ENDOD1: variants seen among roughly 807,000 people sequenced by gnomAD.
ENDOD1 encodes endonuclease domain-containing 1 protein.
A neutral mutation model predicts 6.5 loss-of-function variants in ENDOD1; 9 were observed. The ratio of observed to expected loss-of-function variants is 1.39; its 90% CI spans 0.84 to 2.43. ENDOD1 has a LOEUF of 2.43. Ranked by LOEUF, ENDOD1 falls within the 30% of genes most tolerant of loss-of-function variation. The pLI, the probability that ENDOD1 is intolerant of heterozygous loss-of-function variation, is 0.00. For missense variants in ENDOD1, 648 were observed against 635.5 expected (o/e 1.02, Z -0.21); for synonymous variants, 255 against 255.2 (o/e 1.00, Z 0.01).
chr11:95,097,023 A>ATGC (rs1212116895), intron 1 of ENDOD1, among the ~76,000 whole-genome samples: 1 of 152,008 alleles, frequency 6.6e-6, no homozygotes, highest in African/African-American at 2.4e-5. Context: ...GAGTGCTGGC[A>ATGC]TGCACCTGTA....
At chr11:95,110,579 A>ATGTGTGGTGTGTGTGTGTG (rs1555111812) in intron 1 of ENDOD1, among the ~76,000 whole-genome samples, 95 of 135,250 alleles carry the variant, frequency 7.0e-4, no homozygotes, top group African/African-American at 2.4e-3. Context: ...AAGTCCGTGT[A>ATGTGTGGTGTGTGTGTGTG]TGTATGTGTG....
intron 1 of ENDOD1, among the ~76,000 whole-genome samples, chr11:95,108,014 C>G (rs943563962): frequency 6.6e-6 from 1 of 152,204 alleles, no homozygotes; most frequent in African/African-American, 2.4e-5. Context: ...TGAAACTCCT[C>G]GCTGTGTGTG....
At chr11:95,120,594 G>A (rs1859253807) in intron 1 of ENDOD1, among the ~76,000 whole-genome samples, 1 of 151,850 alleles carries the variant, frequency 6.6e-6, no homozygotes, top group Admixed American at 6.6e-5. Flanking sequence ...AGAAGGAAGA[G>A]GTTTCTTTTG....
At chr11:95,105,778 A>G (rs1859083633) in intron 1 of ENDOD1, among the ~76,000 whole-genome samples, 1 of 152,074 alleles carries the variant, frequency 6.6e-6, no homozygotes, top group Non-Finnish European at 1.5e-5. Flanking sequence ...CATTATTTTT[A>G]TTGTTGTATT....
intron 1 of ENDOD1, among the ~76,000 whole-genome samples, chr11:95,118,678 T>G (rs1555112705): frequency 1.3e-5 from 2 of 152,252 alleles, no homozygotes; most frequent in African/African-American, 4.8e-5. Context: ...AACCTTCTTG[T>G]ACCTGGATAT....
chr11:95,106,356 G>A lies in ENDOD1; in HGVS notation c.300+16129G>A, dbSNP rs376606958. Among the ~76,000 whole-genome samples, 9 of 152,270 alleles carry A rather than the reference G, an allele frequency of 5.9e-5. No homozygotes were observed. The East Asian group carries it at 1.4e-3, about 23-fold the overall frequency. On this transcript the variant is annotated intron_variant, in intron 1 of 1. Coordinates refer to ENST00000278505, the MANE Select transcript of ENDOD1 (RefSeq NM_015036.3). Reference sequence around the variant, plus strand: ...GGGCAGTTGTAGAGAGAAGTGGGGCGCATTTACATTACAGCCATGTAACTG... The same window carrying A: ...GGGCAGTTGTAGAGAGAAGTGGGGCACATTTACATTACAGCCATGTAACTG...
rs1219647706 is a variant in ENDOD1 at position 95,129,247 on chromosome 11, G to T, written c.1171G>T (p.Gly391Trp). 2 of 1,614,124 alleles carry T rather than the reference G, an allele frequency of 1.2e-6. No homozygotes were observed. Among genetic ancestry groups the T allele is most frequent in the South Asian group, 2.2e-5 (2 of 91,088 alleles). Residue 391 changes from glycine (G) to tryptophan (W), a missense_variant, in exon 2 of 2, where the codon GGG (glycine) becomes TGG (tryptophan). Transcript: ENST00000278505. The part of the protein sequence containing the change: ...SATISYFMAI[G>W]EELVSIPWKV... ...CACCATCTCATACTTCATGGCCATTGGGGAAGAGTTGGTGAGCATTCCCTG... is the reference window on the plus strand; with the variant it reads ...CACCATCTCATACTTCATGGCCATTTGGGAAGAGTTGGTGAGCATTCCCTG...
At position 95,131,651 on chromosome 11, in the gene ENDOD1, A is replaced by G. The variant is rs1832689703; in HGVS notation, c.*2072A>G. 1 of 152,202 alleles carries G rather than the reference A, an allele frequency of 6.6e-6. No homozygotes were observed. Among genetic ancestry groups the G allele is most frequent in the Admixed American group, 6.5e-5 (1 of 15,288 alleles). 9.4% of individuals were successfully genotyped at this position (152,202 alleles called of 1,614,324 possible). A position where few individuals can be genotyped will look rare whatever the true frequency, so the allele number is the denominator to read the frequency against. On this transcript the variant is annotated 3_prime_UTR_variant, in exon 2 of 2. Transcript: ENST00000278505. ...AAAGCAGTTGGATTTGGCATGTGTGATGAAAACAATTAGCCATCCATGTAC... is the reference window on the plus strand; with the variant it reads ...AAAGCAGTTGGATTTGGCATGTGTGGTGAAAACAATTAGCCATCCATGTAC...
chr11:95,118,811 C>T (rs1859235534), intron 1 of ENDOD1, among the ~76,000 whole-genome samples: 1 of 152,164 alleles, frequency 6.6e-6, no homozygotes, highest in South Asian at 2.1e-4. Context: ...CCCTTTGAGG[C>T]TATTTTCTAG....
intron 1 of ENDOD1, among the ~76,000 whole-genome samples, chr11:95,115,344 C>G (rs1457338156): frequency 6.7e-6 from 1 of 150,078 alleles, no homozygotes; most frequent in African/African-American, 2.4e-5. Context: ...TATTTTGTGT[C>G]CTACAACTTA....
intron 1 of ENDOD1, among the ~76,000 whole-genome samples, chr11:95,118,985 T>C (rs1374400023): frequency 1.3e-5 from 2 of 152,260 alleles, no homozygotes; most frequent in Admixed American, 1.3e-4. Flanking sequence ...AATTGCATTT[T>C]TCAGCTCCAG....
intron 1 of ENDOD1, among the ~76,000 whole-genome samples, chr11:95,091,477 C>T (rs1391572842): frequency 1.3e-5 from 2 of 152,204 alleles, no homozygotes; most frequent in Non-Finnish European, 2.9e-5. Flanking sequence ...TTGTCAGTTG[C>T]ACACACAAGA....
intron 1 of ENDOD1, among the ~76,000 whole-genome samples, chr11:95,120,588 G>A (rs1859253757): frequency 6.6e-6 from 1 of 151,912 alleles, no homozygotes. Context: ...TCAAGCAGAA[G>A]GAAGAGGTTT....
At chr11:95,109,166 C>T (rs1859123013) in intron 1 of ENDOD1, among the ~76,000 whole-genome samples, 2 of 152,190 alleles carry the variant, frequency 1.3e-5, no homozygotes, top group South Asian at 4.1e-4. Context: ...TGGATAGCTC[C>T]CTAGGTCATC....
chr11:95,100,865 GTTTTT>G (rs34680715), intron 1 of ENDOD1, among the ~76,000 whole-genome samples: 121 of 72,276 alleles, frequency 1.7e-3, no homozygotes, highest in Admixed American at 3.1e-3. Flanking sequence ...CCTGCTGGGT[GTTTTT>G]TTTTTTTTTT....
intron 1 of ENDOD1, among the ~76,000 whole-genome samples, chr11:95,099,719 G>A (rs551235894): frequency 6.6e-6 from 1 of 152,340 alleles, no homozygotes; most frequent in African/African-American, 2.4e-5. Context: ...GTAAGTTAAA[G>A]TCCTTCATCT....
At chr11:95,090,250 C>G in intron 1 of ENDOD1, 23 bp downstream of exon 1, 4 of 1,356,508 alleles carry the variant, frequency 2.9e-6, no homozygotes, top group Non-Finnish European at 3.8e-6. Flanking sequence ...GTTCCCGAGC[C>G]GGGCTGCGGG....
intron 1 of ENDOD1, among the ~76,000 whole-genome samples, chr11:95,122,814 A>T (rs936430855): frequency 6.6e-6 from 1 of 152,204 alleles, no homozygotes; most frequent in African/African-American, 2.4e-5. Context: ...GTCATAGGTT[A>T]AAAAACTGGT....
intron 1 of ENDOD1, among the ~76,000 whole-genome samples, chr11:95,104,503 TC>T (rs1311994250): frequency 2.6e-5 from 4 of 151,704 alleles, no homozygotes; most frequent in African/African-American, 4.8e-5. Flanking sequence ...CTTCATTTGT[TC>T]CCCAGTTTTA....
Sources: allele counts gnomAD v4.1 joint callset (sites outside exome capture counted in the v4.1 genomes callset), GRCh38; gene constraint gnomAD v4.1.1; transcripts MANE v1.5; gene names NCBI Gene and HGNC (gene_info 2026-07-23, HGNC 2026-07-21).